IL1RAPL2: variants seen among roughly 807,000 people sequenced by gnomAD.
IL1RAPL2 encodes X-linked interleukin-1 receptor accessory protein-like 2.
A neutral mutation model predicts 44.1 loss-of-function variants in IL1RAPL2; 3 were observed. The ratio of observed to expected loss-of-function variants is 0.07; its 90% CI spans 0.03 to 0.18. The LOEUF (loss-of-function observed/expected upper bound fraction) is 0.18. Among genes scored for constraint, IL1RAPL2 ranks in the 10% least tolerant of loss-of-function variants. The probability of loss-of-function intolerance (pLI) is 1.00; values close to 1 mark genes in which losing one functional copy is unlikely to be tolerated. For synonymous variants in IL1RAPL2, 181 were observed against 178.8 expected, an observed-to-expected ratio of 1.01 and a Z score of -0.10; for missense variants, 391 against 496.4, an observed-to-expected ratio of 0.79 and a Z score of 2.02.
chrX:105,667,515 A>G (rs978965711), intron 6 of IL1RAPL2, among the ~76,000 whole-genome samples: 8 of 112,007 alleles, frequency 7.1e-5, no homozygotes, highest in Non-Finnish European at 1.1e-4. Flanking sequence ...TCCCATCCAT[A>G]TAACAGTTTG....
intron 2 of IL1RAPL2, among the ~76,000 whole-genome samples, chrX:104,941,302 A>G (rs1251129773): frequency 9.0e-6 from 1 of 111,595 alleles, no homozygotes; most frequent in Non-Finnish European, 1.9e-5. Context: ...TGGTTGAACT[A>G]GTTTACAGTG....
chrX:104,699,864 G>A (rs1931246515), intron 2 of IL1RAPL2, among the ~76,000 whole-genome samples: 1 of 111,792 alleles, frequency 8.9e-6, no homozygotes, highest in African/African-American at 3.3e-5. Context: ...TGGTCCTTGT[G>A]TGCATGTTTT....
intron 2 of IL1RAPL2, among the ~76,000 whole-genome samples, chrX:104,743,838 G>C (rs1932131567): frequency 9.0e-6 from 1 of 111,131 alleles, no homozygotes; most frequent in South Asian, 3.8e-4. Flanking sequence ...CTTGTTTGCT[G>C]TCCCTTTAGA....
intron 6 of IL1RAPL2, among the ~76,000 whole-genome samples, chrX:105,510,656 G>C (rs2036462706): frequency 9.0e-6 from 1 of 111,672 alleles, no homozygotes; most frequent in Non-Finnish European, 1.9e-5. Flanking sequence ...AAAAGTGAAA[G>C]AGAGAGGCAG....
intron 5 of IL1RAPL2, among the ~76,000 whole-genome samples, chrX:105,344,278 A>G (rs1185014643): frequency 8.9e-6 from 1 of 111,973 alleles, no homozygotes; most frequent in Admixed American, 9.5e-5. Flanking sequence ...AGTAAAGTGT[A>G]ATGACTTAAA....
intron 6 of IL1RAPL2, among the ~76,000 whole-genome samples, chrX:105,698,326 G>C (rs1331807253): frequency 1.8e-5 from 2 of 111,668 alleles, no homozygotes; most frequent in Non-Finnish European, 3.8e-5. Flanking sequence ...CTTTAGCAAT[G>C]CTTTTATCTG....
At chrX:104,968,889 A>G (rs1011380158) in intron 2 of IL1RAPL2, among the ~76,000 whole-genome samples, 8 of 110,532 alleles carry the variant, frequency 7.2e-5, no homozygotes, top group African/African-American at 1.3e-4. Flanking sequence ...AAGACTCACT[A>G]TGATAAAGAT....
intron 2 of IL1RAPL2, among the ~76,000 whole-genome samples, chrX:105,185,515 G>T (rs2033576348): frequency 9.0e-6 from 1 of 111,625 alleles, no homozygotes; most frequent in African/African-American, 3.3e-5. Flanking sequence ...CCGGTACTGG[G>T]TTAGAACTTG....
At chrX:105,068,450 C>A (rs1569373416) in intron 2 of IL1RAPL2, among the ~76,000 whole-genome samples, 1 of 111,632 alleles carries the variant, frequency 9.0e-6, no homozygotes, top group Non-Finnish European at 1.9e-5. Context: ...ATGCGTTTGC[C>A]CTAGATAATC....
intron 2 of IL1RAPL2, among the ~76,000 whole-genome samples, chrX:104,827,358 G>T (rs760125514): frequency 9.0e-6 from 1 of 111,032 alleles, no homozygotes; most frequent in South Asian, 3.8e-4. Flanking sequence ...TGTCTGTAAA[G>T]GAGTTTATTT....
At chrX:105,411,149 G>C (rs1390357022) in intron 5 of IL1RAPL2, among the ~76,000 whole-genome samples, 3 of 110,740 alleles carry the variant, frequency 2.7e-5, no homozygotes, top group African/African-American at 9.8e-5. Context: ...CACAAACAAA[G>C]AAATCACAGC....
chrX:104,694,760 G>A (rs867309744), intron 2 of IL1RAPL2, among the ~76,000 whole-genome samples: 1 of 111,659 alleles, frequency 9.0e-6, no homozygotes, highest in Admixed American at 9.5e-5. Flanking sequence ...CAACTGAGGG[G>A]GAAAGGGGGA....
intron 5 of IL1RAPL2, among the ~76,000 whole-genome samples, chrX:105,359,663 A>G (rs963897689): frequency 9.0e-6 from 1 of 110,641 alleles, no homozygotes; most frequent in Admixed American, 9.7e-5. Flanking sequence ...GTGGCAGTAG[A>G]TTATGGAGAG....
intron 2 of IL1RAPL2, among the ~76,000 whole-genome samples, chrX:104,676,000 C>G (rs1463925724): frequency 9.4e-6 from 1 of 106,535 alleles, no homozygotes; most frequent in African/African-American, 3.4e-5. Flanking sequence ...TGTCTCTGCA[C>G]GTGAGATGGG....
chrX:105,123,972 G>A (rs769769780), intron 2 of IL1RAPL2, among the ~76,000 whole-genome samples: 3 of 110,724 alleles, frequency 2.7e-5, no homozygotes, highest in African/African-American at 9.8e-5. Flanking sequence ...ATCCATTATG[G>A]TTCCTTTTGG....
At chrX:104,672,247 C>T (rs1432059046) in intron 2 of IL1RAPL2, among the ~76,000 whole-genome samples, 2 of 110,983 alleles carry the variant, frequency 1.8e-5, no homozygotes, top group African/African-American at 6.6e-5. Flanking sequence ...CAATGCTATC[C>T]CTCCCCCACC....
chrX:105,246,491 T>G (rs2034220524), intron 4 of IL1RAPL2, among the ~76,000 whole-genome samples: 1 of 111,144 alleles, frequency 9.0e-6, no homozygotes, highest in Admixed American at 9.6e-5. Context: ...AAATCAGGGG[T>G]TTATATAGCA....
At chrX:105,099,292 T>C (rs1406968914) in intron 2 of IL1RAPL2, among the ~76,000 whole-genome samples, 5 of 110,013 alleles carry the variant, frequency 4.5e-5, no homozygotes, top group Non-Finnish European at 9.5e-5. Flanking sequence ...AGAAAAGAGA[T>C]TGAATTGACT....
intron 2 of IL1RAPL2, among the ~76,000 whole-genome samples, chrX:104,734,734 A>T (rs887031540): frequency 2.7e-5 from 3 of 111,885 alleles, no homozygotes; most frequent in Non-Finnish European, 5.6e-5. Flanking sequence ...AAATCTATAC[A>T]TATATTAAAA....
Sources: allele counts gnomAD v4.1 joint callset (sites outside exome capture counted in the v4.1 genomes callset), GRCh38; gene constraint gnomAD v4.1.1; transcripts MANE v1.5; gene names NCBI Gene and HGNC (gene_info 2026-07-23, HGNC 2026-07-21).